Variants in CWC27 observed in about 807,000 individuals in gnomAD.
CWC27 encodes the protein spliceosome-associated protein CWC27 homolog.
Under a neutral mutation model 63.6 loss-of-function variants are expected in CWC27, and 47 were observed. That is an observed-to-expected ratio of 0.74 (90% CI 0.58 to 0.94). The LOEUF (loss-of-function observed/expected upper bound fraction) is 0.94. CWC27 is among the 40% of genes least tolerant of loss of function. The pLI, the probability that CWC27 is intolerant of heterozygous loss-of-function variation, is 0.00. For synonymous variants in CWC27, 175 were observed against 179.8 expected (o/e 0.97, Z 0.22); for missense variants, 495 against 554.3 (o/e 0.89, Z 1.07).
chr5:64,989,144 G>A (rs1749490374), intron 13 of CWC27, among the ~76,000 whole-genome samples: 1 of 152,144 alleles, frequency 6.6e-6, no homozygotes. Context: ...AAAAGAAAGG[G>A]GGAAAAGCAG....
intron 11 of CWC27, among the ~76,000 whole-genome samples, chr5:64,954,610 G>GAAA (rs1748769954): frequency 6.6e-6 from 1 of 150,508 alleles, no homozygotes; most frequent in Non-Finnish European, 1.5e-5. Context: ...GTGAATTATT[G>GAAA]CCTAAAGCAC....
intron 10 of CWC27, among the ~76,000 whole-genome samples, chr5:64,840,715 A>T (rs1441275659): frequency 6.6e-6 from 1 of 152,096 alleles, no homozygotes; most frequent in African/African-American, 2.4e-5. Context: ...TGGAAGGGGC[A>T]TGATCAGATT....
chr5:64,785,203 G>T (rs982253823), intron 4 of CWC27, among the ~76,000 whole-genome samples: 2 of 152,030 alleles, frequency 1.3e-5, no homozygotes, highest in Non-Finnish European at 2.9e-5. Flanking sequence ...ATGAAAAGTT[G>T]TCATTCAGTA....
intron 11 of CWC27, among the ~76,000 whole-genome samples, chr5:64,896,508 C>T (rs552014643): frequency 3.3e-5 from 5 of 151,836 alleles, no homozygotes; most frequent in African/African-American, 1.2e-4. Context: ...AAAGGGTGCT[C>T]GGAAAAGCAT....
chr5:64,971,402 T>C (rs1749122525), intron 11 of CWC27, among the ~76,000 whole-genome samples: 1 of 152,182 alleles, frequency 6.6e-6, no homozygotes, highest in Non-Finnish European at 1.5e-5. Context: ...ACCTTAATTA[T>C]TTTAGAAGTG....
chr5:64,942,441 A>G (rs1009975323), intron 11 of CWC27, among the ~76,000 whole-genome samples: 17 of 147,104 alleles, frequency 1.2e-4, no homozygotes, highest in Admixed American at 1.1e-3. Context: ...ATCTCTTTAA[A>G]AAAAAAAAAA....
chr5:64,931,634 T>C (rs1214380824), intron 11 of CWC27, among the ~76,000 whole-genome samples: 1 of 152,012 alleles, frequency 6.6e-6, no homozygotes, highest in African/African-American at 2.4e-5. Flanking sequence ...TTTCCAATTT[T>C]ATTTCTCCCC....
intron 10 of CWC27, among the ~76,000 whole-genome samples, chr5:64,805,602 T>C (rs1744642239): frequency 6.6e-6 from 1 of 151,916 alleles, no homozygotes; most frequent in South Asian, 2.1e-4. Context: ...CAAAAATATA[T>C]TTAAAAATTT....
chr5:65,009,726 GGA>G (rs1187410750), intron 13 of CWC27, among the ~76,000 whole-genome samples: 1 of 152,222 alleles, frequency 6.6e-6, no homozygotes, highest in South Asian at 2.1e-4. Context: ...TGCAATCCAA[GGA>G]GAGAGCCCTC....
intron 10 of CWC27, among the ~76,000 whole-genome samples, chr5:64,830,026 CT>C (rs112776096): frequency 0.41 from 46,987 of 114,656 alleles, 8,264 homozygotes; most frequent in East Asian, 0.54. Flanking sequence ...CTTTTCCATT[CT>C]TTTTTTTTTT....
At chr5:64,918,554 A>G (rs1296532029) in intron 11 of CWC27, among the ~76,000 whole-genome samples, 1 of 152,186 alleles carries the variant, frequency 6.6e-6, no homozygotes, top group Non-Finnish European at 1.5e-5. Flanking sequence ...ACTGTTGTAT[A>G]TATATTCAAA....
At chr5:64,940,947 A>AGCGAT (rs764195842) in intron 11 of CWC27, among the ~76,000 whole-genome samples, 6 of 148,032 alleles carry the variant, frequency 4.1e-5, no homozygotes, top group Admixed American at 2.8e-4. Flanking sequence ...CCTGAGTTCA[A>AGCGAT]GCGATTCTCC....
intron 11 of CWC27, among the ~76,000 whole-genome samples, 179 bp downstream of exon 11, chr5:64,885,725 GTGTGTGTGTGTGTT>G (rs1747058182): frequency 6.7e-6 from 1 of 149,946 alleles, no homozygotes; most frequent in African/African-American, 2.5e-5. Flanking sequence ...GTGTGTGTGT[GTGTGTGTGTGTGTT>G]TTTAATACTT....
chr5:64,913,337 C>A (rs564349730), intron 11 of CWC27, among the ~76,000 whole-genome samples: 2 of 152,066 alleles, frequency 1.3e-5, no homozygotes, highest in East Asian at 1.9e-4. Context: ...CTCTTTTATT[C>A]AACATTATTA....
chr5:64,780,699 GCA>G (rs143721735), intron 2 of CWC27, among the ~76,000 whole-genome samples: 68 of 148,168 alleles, frequency 4.6e-4, no homozygotes, highest in African/African-American at 1.3e-3. Flanking sequence ...GCACACGCGC[GCA>G]CACACACACA....
intron 10 of CWC27, among the ~76,000 whole-genome samples, chr5:64,851,919 G>A (rs1746142191): frequency 6.6e-6 from 1 of 151,936 alleles, no homozygotes; most frequent in African/African-American, 2.4e-5. Flanking sequence ...GTCTTTTAAA[G>A]GTGAGAATTC....
At chr5:64,888,842 C>T (rs1274160405) in intron 11 of CWC27, among the ~76,000 whole-genome samples, 1 of 151,792 alleles carries the variant, frequency 6.6e-6, no homozygotes, top group Non-Finnish European at 1.5e-5. Flanking sequence ...AGTATTTTCC[C>T]CTAAATATTT....
At chr5:64,870,754 G>A (rs1431523657) in intron 10 of CWC27, among the ~76,000 whole-genome samples, 1 of 152,024 alleles carries the variant, frequency 6.6e-6, no homozygotes, top group Non-Finnish European at 1.5e-5. Context: ...ATGTGATATT[G>A]CATTCTACAG....
Position 64,789,126 on chromosome 5 carries a change from G to C in CWC27, c.669+106G>C, listed in dbSNP as rs529681175. The C allele has an allele frequency of 1.5e-4, 92 of 633,258 alleles. No homozygotes were observed. In the African/African-American group the frequency reaches 1.6e-3, roughly 11 times the overall value. 39.2% of individuals were successfully genotyped at this position (633,258 alleles called of 1,614,324 possible). A position where few individuals can be genotyped will look rare whatever the true frequency, so the allele number is the denominator to read the frequency against. On this transcript the variant is annotated intron_variant, in intron 7 of 13. Coordinates refer to ENST00000381070, the MANE Select transcript of CWC27 (RefSeq NM_005869.4). The stretch of plus-strand genomic sequence containing the variant: ...TATCTGGCACAGCATGTTTTACATG[G>C]GGCAGGCTCAGTAAGTGTTCATTGA...
Sources: allele counts gnomAD v4.1 joint callset (sites outside exome capture counted in the v4.1 genomes callset), GRCh38; gene constraint gnomAD v4.1.1; transcripts MANE v1.5; gene names NCBI Gene and HGNC (gene_info 2026-07-23, HGNC 2026-07-21).